The following M1AP variants were observed in gnomAD, a reference collection of about 807,000 sequenced individuals.
The protein encoded by M1AP is meiosis 1 arrest protein.
Under a neutral mutation model 51.2 loss-of-function variants are expected in M1AP, and 39 were observed. The ratio of observed to expected loss-of-function variants is 0.76; its 90% CI spans 0.59 to 1.00. The LOEUF is 1.00. Among genes scored for constraint, M1AP ranks in the 50% least tolerant of loss-of-function variants. The pLI is 0.00. For synonymous variants in M1AP, 251 were observed against 249.2 expected (o/e 1.01, Z -0.07); for missense variants, 545 against 641.2 (o/e 0.85, Z 1.62).
intron 2 of M1AP, among the ~76,000 whole-genome samples, chr2:74,624,114 T>A (rs934533304): frequency 6.6e-6 from 1 of 152,202 alleles, no homozygotes; most frequent in African/African-American, 2.4e-5. Flanking sequence ...CATATCATTG[T>A]TGGAGGGATT....
Position 74,557,924 on chromosome 2 carries a change from G to C in M1AP, c.*792C>G, listed in dbSNP as rs1279290241. The C allele has an allele frequency of 6.6e-6, 1 of 150,618 alleles. No individual in the cohort carries two copies. The highest frequency in any genetic ancestry group is 2.4e-5 in the African/African-American group (1 of 40,820). 9.3% of individuals were successfully genotyped at this position (150,618 alleles called of 1,614,324 possible). ...TTTATTATTTATGTAGAGATGGCGG[G>C]GGGGTCTCACAGTGTTGCTCAGGCT... On this transcript the variant is annotated 3_prime_UTR_variant, in exon 11 of 11. Transcript: ENST00000421985.
In M1AP at chr2:74,607,174, T is replaced by G; in HGVS notation, c.476A>C (p.Glu159Ala). The change falls in exon 4 of 11, where the codon GAG becomes GCG. Residue 159 changes from glutamate (E) to alanine (A), a missense_variant. Transcript: ENST00000421985. ...TAGGTCTGTATCTTTCAACCCTTCC[T>G]CCAACTGTTTGACCACCTCTTTTCC... is the stretch of plus-strand genomic sequence containing the variant. ...QPGKEVVKQLEEGLKDTDLAR... is the reference protein window; with the variant it reads ...QPGKEVVKQLAEGLKDTDLAR... 1.9e-6 allele frequency: 3 copies of G among 1,614,100 alleles called. No individual in the cohort carries two copies. The highest frequency in any genetic ancestry group is 2.5e-6 in the Non-Finnish European group (3 of 1,179,968).
intron 2 of M1AP, among the ~76,000 whole-genome samples, chr2:74,618,054 C>G (rs1365979510): frequency 6.6e-6 from 1 of 152,136 alleles, no homozygotes; most frequent in Non-Finnish European, 1.5e-5. Flanking sequence ...TTTGAAGCTA[C>G]AGTCTTATTC....
At chr2:74,579,681 C>T (rs1299496243) in intron 5 of M1AP, among the ~76,000 whole-genome samples, 1 of 152,100 alleles carries the variant, frequency 6.6e-6, no homozygotes, top group Non-Finnish European at 1.5e-5. Flanking sequence ...TAAGTCCTTA[C>T]TTACTACTCT....
intron 4 of M1AP, among the ~76,000 whole-genome samples, chr2:74,603,046 G>A (rs1258597415): frequency 2.6e-5 from 4 of 152,210 alleles, no homozygotes; most frequent in African/African-American, 4.8e-5. Context: ...GAGAAAAAGA[G>A]CTTCTCTCTC....
At chr2:74,640,693 C>T (rs1377545139) in intron 1 of M1AP, among the ~76,000 whole-genome samples, 1 of 151,876 alleles carries the variant, frequency 6.6e-6, no homozygotes, top group East Asian at 1.9e-4. Flanking sequence ...CTTGACCTCA[C>T]GATCCGCCCG....
At chr2:74,602,067 T>C (rs1003940445) in intron 4 of M1AP, among the ~76,000 whole-genome samples, 1 of 152,216 alleles carries the variant, frequency 6.6e-6, no homozygotes, top group Non-Finnish European at 1.5e-5. Context: ...AAAAGAATTA[T>C]AACTAGATTT....
chr2:74,640,199 A>G lies in M1AP; in HGVS notation c.77T>C (p.Ile26Thr), dbSNP rs768513602. 32 of 1,613,972 alleles carry G rather than the reference A, an allele frequency of 2.0e-5. No individual in the cohort carries two copies. Among genetic ancestry groups the G allele is most frequent in the African/African-American group, 2.7e-5 (2 of 74,890 alleles). The change falls in exon 2 of 11, where the codon ATT becomes ACT. Residue 26 changes from isoleucine (I) to threonine (T), a missense_variant. By Grantham distance (89) the Ile-to-Thr change is moderately conservative. Transcript: ENST00000421985. Reference protein sequence around the residue: ...QIDQQPPRLLIVHIALPSWAD... With the variant: ...QIDQQPPRLLTVHIALPSWAD... ...CCAGGACGGTAGAGCAATGTGCACAATGAGAAGCCGTGGAGGTTGCTGGTC... is the reference window on the plus strand; with the variant it reads ...CCAGGACGGTAGAGCAATGTGCACAGTGAGAAGCCGTGGAGGTTGCTGGTC...
At chr2:74,640,803 A>G (rs1183515014) in intron 1 of M1AP, among the ~76,000 whole-genome samples, 1 of 152,224 alleles carries the variant, frequency 6.6e-6, no homozygotes, top group East Asian at 1.9e-4. Context: ...ATGTTTGCCT[A>G]TCATGTAAGC....
rs544166509 is a variant in M1AP at position 74,625,818 on chromosome 2, A to T, written c.241-10669T>A. On this transcript the variant is annotated intron_variant, in intron 2 of 10. Coordinates refer to ENST00000421985, the MANE Select transcript of M1AP (RefSeq NM_001321739.2). ...TTTCAACATGGACACCATATGATTC[A>T]GGCCTCCTGCCTGTACTAATGCCTA... Among the ~76,000 whole-genome samples the T allele has an allele frequency of 1.6e-4, 24 of 152,340 alleles. 2 individuals carry two copies. The highest frequency in any genetic ancestry group is 5.8e-4 in the African/African-American group (24 of 41,578).
intron 2 of M1AP, among the ~76,000 whole-genome samples, chr2:74,638,570 T>C (rs2104834598): frequency 6.6e-6 from 1 of 152,298 alleles, no homozygotes; most frequent in East Asian, 1.9e-4. Flanking sequence ...TCTTCATTGC[T>C]CTCTCTCTCT....
chr2:74,642,734 CCTT>C lies in M1AP; in HGVS notation c.-52-2410_-52-2408del, dbSNP rs1454526530. The stretch of plus-strand genomic sequence containing the variant: ...CTTTGTAATTTTTCCCAAAAGATCT[CCTT>C]GTCTTTTGTCAAATTTTAGTCTTAG... On this transcript the variant is annotated intron_variant, in intron 1 of 10. Coordinates refer to ENST00000421985, the MANE Select transcript of M1AP (RefSeq NM_001321739.2). Among the ~76,000 whole-genome samples the C allele has an allele frequency of 5.9e-5, 9 of 152,240 alleles. No homozygotes were observed. The East Asian group carries it at 1.7e-3, about 29-fold the overall frequency.
At chr2:74,589,934 T>C (rs1679942464) in intron 4 of M1AP, among the ~76,000 whole-genome samples, 1 of 152,218 alleles carries the variant, frequency 6.6e-6, no homozygotes, top group South Asian at 2.1e-4. Flanking sequence ...ACACATAAAA[T>C]GCATCAACAC....
At chr2:74,630,909 C>T (rs145402520) in intron 2 of M1AP, among the ~76,000 whole-genome samples, 2 of 152,286 alleles carry the variant, frequency 1.3e-5, no homozygotes, top group Non-Finnish European at 2.9e-5. Context: ...TCACTCCGTA[C>T]TCTACTCTGT....
In M1AP at chr2:74,633,644, T is replaced by C. The variant is rs138624424; in HGVS notation, c.240+6392A>G. ...CCCATTGTCATGGTCCTTATACCTA[T>C]TGATGGATTTCCAAGGGACCAGTGC... is the stretch of plus-strand genomic sequence containing the variant. On this transcript the variant is annotated intron_variant, in intron 2 of 10. Transcript: ENST00000421985. Among the ~76,000 whole-genome samples the C allele has an allele frequency of 2.1e-3, 313 of 152,312 alleles. 4 individuals are homozygous for C. The highest frequency in any genetic ancestry group is 6.9e-3 in the African/African-American group (287 of 41,572).
chr2:74,559,726 A>G lies in M1AP; in HGVS notation c.1423-17T>C. On this transcript the variant is annotated splice_polypyrimidine_tract_variant and intron_variant, in intron 9 of 10. Coordinates refer to ENST00000421985, the MANE Select transcript of M1AP (RefSeq NM_001321739.2). ...GCAGGGATGCTGTGAGGATTAAATG[A>G]GAAAAACATATAAGCAAGCACTTAT... 2.8e-6 allele frequency: 2 copies of G among 718,508 alleles called. No homozygotes were observed. The highest frequency in any genetic ancestry group is 5.2e-6 in the Non-Finnish European group (2 of 385,050). 44.5% of individuals were successfully genotyped at this position (718,508 alleles called of 1,614,324 possible). A position where few individuals can be genotyped will look rare whatever the true frequency, so the allele number is the denominator to read the frequency against.
At chr2:74,621,274 T>A (rs1682014048) in intron 2 of M1AP, among the ~76,000 whole-genome samples, 1 of 151,400 alleles carries the variant, frequency 6.6e-6, no homozygotes, top group Non-Finnish European at 1.5e-5. Context: ...AGAGCGAGGC[T>A]CCGTCTCAAA....
intron 4 of M1AP, among the ~76,000 whole-genome samples, chr2:74,606,042 G>T (rs1255276494): frequency 1.3e-5 from 2 of 152,194 alleles, no homozygotes; most frequent in African/African-American, 4.8e-5. Context: ...AGGTGTCTAG[G>T]CTTCTGCCCA....
chr2:74,631,881 T>C (rs1020047091), intron 2 of M1AP, among the ~76,000 whole-genome samples: 7 of 152,234 alleles, frequency 4.6e-5, no homozygotes, highest in African/African-American at 1.7e-4. Context: ...GTATTCATTC[T>C]GAGTAAGATT....
Sources: gnomAD v4.1 joint callset for allele counts (sites outside exome capture counted in the v4.1 genomes callset) on GRCh38, gnomAD v4.1.1 for gene constraint, MANE v1.5 for transcripts, NCBI Gene and HGNC (gene_info 2026-07-23, HGNC 2026-07-21) for gene names.